SFMBT1: variants seen among roughly 807,000 people sequenced by gnomAD.
The protein encoded by SFMBT1 is scm-like with four MBT domains protein 1.
Under a neutral mutation model 108.7 loss-of-function variants are expected in SFMBT1, and 32 were observed. The observed-to-expected ratio is 0.29, with a 90% CI of 0.22 to 0.40. The LOEUF (loss-of-function observed/expected upper bound fraction) is 0.40. SFMBT1 is among the 10% of genes least tolerant of loss of function. SFMBT1 has a pLI of 1.00. For synonymous variants in SFMBT1, 348 were observed against 369.5 expected, an observed-to-expected ratio of 0.94 and a Z score of 0.67; for missense variants, 816 against 1,059.6, an observed-to-expected ratio of 0.77 and a Z score of 3.19.
At chr3:52,920,713 C>T in intron 11 of SFMBT1, 63 bp from the exon 12 acceptor site, 2 of 984,290 alleles carry the variant, frequency 2.0e-6, no homozygotes, top group Non-Finnish European at 3.1e-6. Context: ...CATTAAATAA[C>T]CTTCTTCATA....
At chr3:52,981,612 C>T (rs1019194985) in intron 1 of SFMBT1, among the ~76,000 whole-genome samples, 4 of 150,538 alleles carry the variant, frequency 2.7e-5, no homozygotes, top group African/African-American at 9.8e-5. Flanking sequence ...CTCCTGGGCT[C>T]AAGCAATCCT....
chr3:52,905,078 G>C lies in SFMBT1; in HGVS notation c.*58C>G. 1 of 1,594,222 alleles carries C rather than the reference G, an allele frequency of 6.3e-7. No homozygotes were observed. Among genetic ancestry groups the C allele is most frequent in the Non-Finnish European group, 8.5e-7 (1 of 1,169,866 alleles). ...CTATTCCAGCTCCACTTATAAAGCA[G>C]GGTGAAGGATTTGCTGCATTTGTGC... On this transcript the variant is annotated 3_prime_UTR_variant, in exon 21 of 21. Transcript: ENST00000394752.
intron 1 of SFMBT1, among the ~76,000 whole-genome samples, chr3:53,013,802 T>C (rs1242446206): frequency 6.6e-6 from 1 of 151,838 alleles, no homozygotes. Context: ...CTAATTTTTG[T>C]ATTTTTAGTA....
chr3:52,972,670 G>C (rs1357318266), intron 1 of SFMBT1, among the ~76,000 whole-genome samples: 1 of 151,788 alleles, frequency 6.6e-6, no homozygotes, highest in East Asian at 1.9e-4. Context: ...CACTTTGAGA[G>C]GCCGAGGCAG....
intron 2 of SFMBT1, among the ~76,000 whole-genome samples, chr3:52,956,685 G>A (rs568104055): frequency 4.6e-5 from 7 of 152,010 alleles, no homozygotes; most frequent in East Asian, 3.9e-4. Flanking sequence ...CACTTGAACC[G>A]GGGAGGTGGA....
chr3:53,019,339 T>C (rs1559551798), intron 1 of SFMBT1, among the ~76,000 whole-genome samples: 1 of 148,874 alleles, frequency 6.7e-6, no homozygotes, highest in East Asian at 2.0e-4. Flanking sequence ...CATGTGTGTG[T>C]GTGAAATCAA....
intron 2 of SFMBT1, among the ~76,000 whole-genome samples, chr3:52,962,651 C>G (rs756336647): frequency 2.6e-5 from 4 of 151,572 alleles, no homozygotes; most frequent in Non-Finnish European, 5.9e-5. Flanking sequence ...ACTAAAAATA[C>G]AAAAATTAGC....
intron 15 of SFMBT1, among the ~76,000 whole-genome samples, chr3:52,913,058 T>C (rs896133848): frequency 2.0e-5 from 3 of 152,224 alleles, no homozygotes; most frequent in Admixed American, 1.3e-4. Context: ...CTTGCCACCC[T>C]GAGGGCTGAA....
At chr3:52,998,597 G>A (rs1036247510) in intron 1 of SFMBT1, among the ~76,000 whole-genome samples, 1 of 150,080 alleles carries the variant, frequency 6.7e-6, no homozygotes, top group African/African-American at 2.4e-5. Flanking sequence ...CTACCTAGGG[G>A]TGACTGCAGC....
intron 1 of SFMBT1, among the ~76,000 whole-genome samples, chr3:52,987,702 T>G (rs755003552): frequency 3.3e-5 from 5 of 152,224 alleles, no homozygotes; most frequent in Non-Finnish European, 1.5e-5. Context: ...GCGCTCAAGT[T>G]GTTTTATTCA....
intron 2 of SFMBT1, among the ~76,000 whole-genome samples, chr3:52,966,005 CAAAAAAAAA>C (rs775989805): frequency 1.3e-4 from 7 of 55,044 alleles, no homozygotes; most frequent in African/African-American, 3.0e-4. Context: ...GACTCCGTTT[CAAAAAAAAA>C]AAAAAAAAAA....
At chr3:52,959,111 C>T (rs1336436950) in intron 2 of SFMBT1, among the ~76,000 whole-genome samples, 1 of 150,622 alleles carries the variant, frequency 6.6e-6, no homozygotes, top group Admixed American at 6.6e-5. Flanking sequence ...GAAAAGCATA[C>T]ATTGGGGCCT....
intron 1 of SFMBT1, among the ~76,000 whole-genome samples, chr3:53,013,829 A>G (rs886218320): frequency 1.8e-4 from 27 of 151,718 alleles, no homozygotes; most frequent in African/African-American, 6.5e-4. Context: ...GGGTTTCACC[A>G]TGTTGGTCAG....
intron 1 of SFMBT1, among the ~76,000 whole-genome samples, chr3:53,007,474 C>T (rs1170080831): frequency 6.6e-6 from 1 of 152,162 alleles, no homozygotes; most frequent in Non-Finnish European, 1.5e-5. Context: ...TGAGTACCTA[C>T]AGTGCCAGAG....
chr3:52,963,601 A>G (rs1181663608), intron 2 of SFMBT1, among the ~76,000 whole-genome samples: 1 of 151,230 alleles, frequency 6.6e-6, no homozygotes, highest in Non-Finnish European at 1.5e-5. Context: ...GGTACATGCC[A>G]CTGCACCTGG....
chr3:52,931,224 C>T (rs1279257447), intron 6 of SFMBT1, among the ~76,000 whole-genome samples, 189 bp from the exon 7 acceptor site: 5 of 152,136 alleles, frequency 3.3e-5, no homozygotes, highest in Non-Finnish European at 7.4e-5. Context: ...TATGCAGAGC[C>T]TGGACAGCTT....
At chr3:52,988,559 T>G (rs1298156205) in intron 1 of SFMBT1, among the ~76,000 whole-genome samples, 1 of 152,174 alleles carries the variant, frequency 6.6e-6, no homozygotes, top group South Asian at 2.1e-4. Flanking sequence ...GCTGAACATT[T>G]AACAACAATG....
chr3:53,041,819 G>T (rs367792262), intron 1 of SFMBT1, among the ~76,000 whole-genome samples: 3 of 149,058 alleles, frequency 2.0e-5, no homozygotes, highest in Non-Finnish European at 4.4e-5. Context: ...TTAAAATCTC[G>T]CAAGTAACCA....
rs183313314 is a variant in SFMBT1, at chr3:52,962,741, G to A, written c.28+6360C>T. 1.2e-4 allele frequency among the ~76,000 whole-genome samples: 18 copies of A among 146,636 alleles called. No individual in the cohort carries two copies. The East Asian group carries it at 3.3e-3, about 27-fold the overall frequency. On this transcript the variant is annotated intron_variant, in intron 2 of 20. Transcript: ENST00000394752. The stretch of plus-strand genomic sequence containing the variant: ...GAGAATCGTTTGAACCCAGAGGCAG[G>A]GGTTGCAGTGAGCCGAGGTTGTGCC...
Sources: gnomAD v4.1 joint callset for allele counts (sites outside exome capture counted in the v4.1 genomes callset) on GRCh38, gnomAD v4.1.1 for gene constraint, MANE v1.5 for transcripts, NCBI Gene and HGNC (gene_info 2026-07-23, HGNC 2026-07-21) for gene names.